Variants in FBXO11 observed in about 807,000 individuals in gnomAD.
FBXO11 encodes the protein F-box only protein 11.
In FBXO11, 13 loss-of-function variants were observed where a neutral mutation model predicts 117.0. The observed-to-expected ratio is 0.11, with a 90% CI of 0.07 to 0.18. The LOEUF (loss-of-function observed/expected upper bound fraction) is 0.18, where lower values mean the gene tolerates loss of function less well. FBXO11 is among the 10% of genes least tolerant of loss of function. The pLI, the probability that FBXO11 is intolerant of heterozygous loss-of-function variation, is 1.00. For synonymous variants in FBXO11, 490 were observed against 380.5 expected (o/e 1.29, Z -3.35); for missense variants, 767 against 1,164.4 (o/e 0.66, Z 4.97).
intron 1 of FBXO11, among the ~76,000 whole-genome samples, chr2:47,850,061 A>G (rs1035546910): frequency 1.3e-5 from 2 of 152,222 alleles, no homozygotes; most frequent in Non-Finnish European, 2.9e-5. Context: ...CTACAGCACA[A>G]TACAACTCAG....
At chr2:47,884,850 A>G (rs543714246) in intron 1 of FBXO11, among the ~76,000 whole-genome samples, 4 of 152,198 alleles carry the variant, frequency 2.6e-5, no homozygotes, top group Non-Finnish European at 5.9e-5. Flanking sequence ...CTTGTGAATT[A>G]AATTCAGTAA....
At chr2:47,896,602 G>C (rs1018711001) in intron 1 of FBXO11, among the ~76,000 whole-genome samples, 2 of 152,098 alleles carry the variant, frequency 1.3e-5, no homozygotes, top group South Asian at 2.1e-4. Context: ...AAAGTGCTAG[G>C]ATTACAGGCA....
chr2:47,815,251 T>C (rs1670929038), intron 16 of FBXO11, among the ~76,000 whole-genome samples: 1 of 152,026 alleles, frequency 6.6e-6, no homozygotes, highest in African/African-American at 2.4e-5. Context: ...GGCCTAACGG[T>C]GATGGACAGA....
At chr2:47,904,581 AACACACAC>A (rs112758707) in intron 1 of FBXO11, among the ~76,000 whole-genome samples, 16,133 of 147,522 alleles carry the variant, frequency 0.11, 916 homozygotes, top group African/African-American at 0.14. Flanking sequence ...CGCGCGCGCA[AACACACAC>A]ACACACACAC....
At chr2:47,869,260 T>C (rs1675430449) in intron 1 of FBXO11, among the ~76,000 whole-genome samples, 1 of 152,220 alleles carries the variant, frequency 6.6e-6, no homozygotes, top group Non-Finnish European at 1.5e-5. Context: ...CTAAAAGTTT[T>C]AGTTCTAGGC....
chr2:47,842,735 C>T (rs1039617840), intron 1 of FBXO11, among the ~76,000 whole-genome samples: 5 of 145,886 alleles, frequency 3.4e-5, no homozygotes, highest in African/African-American at 1.0e-4. Flanking sequence ...ATTCGATTAA[C>T]ATCACTTTCA....
In FBXO11 at chr2:47,807,203, T is replaced by C. The variant is rs917000953; in HGVS notation, c.*915A>G. On this transcript the variant is annotated 3_prime_UTR_variant, in exon 23 of 23. Transcript: ENST00000403359. ...GAAATTGGTTTAATTTCCAGCAGTTTTGTCTAAACTGTTCAAAAAAAAACT... is the reference window on the plus strand; with the variant it reads ...GAAATTGGTTTAATTTCCAGCAGTTCTGTCTAAACTGTTCAAAAAAAAACT... The C allele has an allele frequency of 7.7e-6, 2 of 260,414 alleles. No homozygotes were observed. Among genetic ancestry groups the C allele is most frequent in the Non-Finnish European group, 1.5e-5 (2 of 135,274 alleles). 16.1% of individuals were successfully genotyped at this position (260,414 alleles called of 1,614,324 possible).
At chr2:47,866,351 A>C (rs1364756361) in intron 1 of FBXO11, among the ~76,000 whole-genome samples, 1 of 151,960 alleles carries the variant, frequency 6.6e-6, no homozygotes, top group Non-Finnish European at 1.5e-5. Flanking sequence ...CTCATCTTTT[A>C]TAACATACAA....
intron 1 of FBXO11, among the ~76,000 whole-genome samples, chr2:47,855,102 T>C (rs1674178973): frequency 6.6e-6 from 1 of 152,064 alleles, no homozygotes; most frequent in East Asian, 1.9e-4. Flanking sequence ...ACTATATCAT[T>C]TTTAGGGATT....
intron 1 of FBXO11, 79 bp from the exon 2 acceptor site, chr2:47,839,848 C>T: frequency 1.5e-6 from 2 of 1,366,758 alleles, no homozygotes; most frequent in Non-Finnish European, 2.0e-6. Context: ...TTTCTTAAAA[C>T]TTCAAATTCG....
intron 1 of FBXO11, among the ~76,000 whole-genome samples, chr2:47,870,611 T>C (rs1259565350): frequency 6.6e-6 from 1 of 152,200 alleles, no homozygotes; most frequent in African/African-American, 2.4e-5. Context: ...AATCTACAAA[T>C]AGGCAAGGAA....
At position 47,875,448 on chromosome 2, in the gene FBXO11, T is replaced by C. The variant is rs78595935; in HGVS notation, c.232+30041A>G. On this transcript the variant is annotated intron_variant, in intron 1 of 22. Transcript: ENST00000403359. ...GTGAGAAAACTGAAAAATGACTATT[T>C]ATTACATCTTCCATCTTCCTTCTAG... 5.1e-3 allele frequency among the ~76,000 whole-genome samples: 772 copies of C among 152,018 alleles called. 10 individuals carry two copies. Among genetic ancestry groups the C allele is most frequent in the Non-Finnish European group, 5.8e-3 (397 of 67,972 alleles).
chr2:47,868,613 C>T (rs1039086195), intron 1 of FBXO11, among the ~76,000 whole-genome samples: 5 of 152,254 alleles, frequency 3.3e-5, no homozygotes, highest in African/African-American at 1.2e-4. Flanking sequence ...AATTCCAGTT[C>T]CCCAACCATT....
At chr2:47,871,745 G>C (rs1014012041) in intron 1 of FBXO11, among the ~76,000 whole-genome samples, 1 of 152,116 alleles carries the variant, frequency 6.6e-6, no homozygotes, top group Non-Finnish European at 1.5e-5. Flanking sequence ...TTCACATTTT[G>C]AAAACATCTT....
At chr2:47,877,076 C>G (rs1433412772) in intron 1 of FBXO11, among the ~76,000 whole-genome samples, 1 of 151,622 alleles carries the variant, frequency 6.6e-6, no homozygotes, top group Non-Finnish European at 1.5e-5. Context: ...GCTCTGTTGC[C>G]CTGGCTGTAG....
chr2:47,866,895 T>C (rs1386790481), intron 1 of FBXO11, among the ~76,000 whole-genome samples: 1 of 152,230 alleles, frequency 6.6e-6, no homozygotes, highest in Non-Finnish European at 1.5e-5. Context: ...ATCTTCAGAC[T>C]ACTTTTAAAT....
chr2:47,870,952 C>G (rs1312307179), intron 1 of FBXO11, among the ~76,000 whole-genome samples: 2 of 152,188 alleles, frequency 1.3e-5, no homozygotes, highest in Admixed American at 6.5e-5. Flanking sequence ...CATACTACTA[C>G]TTGAGCTCCA....
At chr2:47,891,666 T>C (rs981947188) in intron 1 of FBXO11, among the ~76,000 whole-genome samples, 2 of 152,226 alleles carry the variant, frequency 1.3e-5, no homozygotes, top group African/African-American at 4.8e-5. Context: ...CATATGATAG[T>C]TCTATTTTTA....
intron 1 of FBXO11, among the ~76,000 whole-genome samples, chr2:47,875,016 T>C (rs970997785): frequency 2.6e-5 from 4 of 152,156 alleles, no homozygotes; most frequent in African/African-American, 7.2e-5. Flanking sequence ...AGAAAATTCA[T>C]ACAGGATATG....
Sources: allele counts gnomAD v4.1 joint callset (sites outside exome capture counted in the v4.1 genomes callset), GRCh38; gene constraint gnomAD v4.1.1; transcripts MANE v1.5; gene names NCBI Gene and HGNC (gene_info 2026-07-23, HGNC 2026-07-21).